Variants in DLG4 observed in about 807,000 individuals in gnomAD.
DLG4 encodes disks large homolog 4.
In DLG4, 7 loss-of-function variants were observed where a neutral mutation model predicts 93.8. The observed-to-expected ratio is 0.07, with a 90% CI of 0.04 to 0.14. The LOEUF (loss-of-function observed/expected upper bound fraction) is 0.14. Ranked by LOEUF, DLG4 falls within the 10% of genes least tolerant of loss-of-function variation. The probability of loss-of-function intolerance (pLI) is 1.00; values close to 1 mark genes in which losing one functional copy is unlikely to be tolerated. For synonymous variants in DLG4, 341 were observed against 387.6 expected (o/e 0.88, Z 1.41); for missense variants, 545 against 992.9 (o/e 0.55, Z 6.06).
At chr17:7,215,953 GC>G (rs1379374457) in intron 1 of DLG4, among the ~76,000 whole-genome samples, 2 of 141,566 alleles carry the variant, frequency 1.4e-5, no homozygotes, top group African/African-American at 5.2e-5. Flanking sequence ...CAGGCATCCA[GC>G]TCTCCAGTCC....
chr17:7,198,847 CAAA>C (rs34843480), intron 8 of DLG4, among the ~76,000 whole-genome samples: 4 of 90,378 alleles, frequency 4.4e-5, no homozygotes, highest in African/African-American at 4.0e-5. Flanking sequence ...GACTCCATCT[CAAA>C]AAAAAAAAAA....
rs1478524890 is a variant in DLG4 at position 7,191,681 on chromosome 17, G to A, written c.1976+212C>T. ...TCGCCCCAGCTGGTATGCCCCAGGG[G>A]CTGCTGGGAAATGTAGTCCTGTCTA... is the stretch of plus-strand genomic sequence containing the variant. On this transcript the variant is annotated intron_variant, in intron 18 of 19. Transcript: ENST00000399506. The surrounding 1 kb of genome is among the most constrained non-coding windows in gnomAD (Gnocchi z 6.6). The A allele has an allele frequency of 3.4e-6, 2 of 583,336 alleles. No homozygotes were observed. Among genetic ancestry groups the A allele is most frequent in the Admixed American group, 3.0e-5 (1 of 33,106 alleles). 36.1% of individuals were successfully genotyped at this position (583,336 alleles called of 1,614,324 possible).
At position 7,191,477 on chromosome 17, in the gene DLG4, A is replaced by G; in HGVS notation, c.1977-119T>C. 1.2e-6 allele frequency: 1 copy of G among 819,004 alleles called. No homozygotes were observed. The highest frequency in any genetic ancestry group is 2.0e-6 in the Non-Finnish European group (1 of 504,366). 50.7% of individuals were successfully genotyped at this position (819,004 alleles called of 1,614,324 possible). A position where few individuals can be genotyped will look rare whatever the true frequency, so the allele number is the denominator to read the frequency against. ...TGGAGCACATAGCAAAAAAAAAAATACAATTCCCAATATCCTCTGGGGCCA... is the reference window on the plus strand; with the variant it reads ...TGGAGCACATAGCAAAAAAAAAAATGCAATTCCCAATATCCTCTGGGGCCA... On this transcript the variant is annotated intron_variant, in intron 18 of 19. Coordinates refer to ENST00000399506, the MANE Select transcript of DLG4 (RefSeq NM_001321075.3). The surrounding 1 kb of genome is among the most constrained non-coding windows in gnomAD (Gnocchi z 6.6).
chr17:7,218,963 T>G, upstream of DLG4: 10 of 1,135,720 alleles, frequency 8.8e-6, no homozygotes, highest in Middle Eastern at 2.0e-4. Flanking sequence ...CGACCAGCTG[T>G]CCCATTCCCC....
At chr17:7,211,451 A>T (rs1257771712) in intron 1 of DLG4, among the ~76,000 whole-genome samples, 1 of 151,506 alleles carries the variant, frequency 6.6e-6, no homozygotes, top group Non-Finnish European at 1.5e-5. Flanking sequence ...AATGACCTGG[A>T]ACTGAGGCTT....
chr17:7,203,270 T>A lies in DLG4; in HGVS notation c.565A>T (p.Ile189Phe). The A allele has an allele frequency of 6.2e-7, 1 of 1,610,866 alleles. No individual in the cohort carries two copies. The highest frequency in any genetic ancestry group is 8.5e-7 in the Non-Finnish European group (1 of 1,177,286). ...GNQHIPGDNS[I>F]YVTKIIEGGA... ...CCTTCGATGATCTTTGTTACATAGA[T>A]GCTATTATCTCCTGGGATGTGCTGG... is the stretch of plus-strand genomic sequence containing the variant. Residue 189 changes from isoleucine (I) to phenylalanine (F), a missense_variant, in exon 7 of 20, where the codon ATC (isoleucine) becomes TTC (phenylalanine). By Grantham distance (21) the Ile-to-Phe change is conservative. This residue lies in a region of DLG4 where 428 missense variants were observed against 741.4 expected (regional missense o/e 0.58). Coordinates refer to ENST00000399506, the MANE Select transcript of DLG4 (RefSeq NM_001321075.3). This position sits in a 1 kb window ranked among gnomAD's most constrained non-coding sequence, Gnocchi z 7.2.
intron 2 of DLG4, among the ~76,000 whole-genome samples, chr17:7,207,691 C>G (rs531768161): frequency 6.6e-6 from 1 of 151,922 alleles, no homozygotes; most frequent in Non-Finnish European, 1.5e-5. Flanking sequence ...TCAACACACA[C>G]GCATACAGCA....
Position 7,197,026 on chromosome 17 carries a change from T to G in DLG4, c.814A>C (p.Ile272Leu), listed in dbSNP as rs1411036494. The G allele has an allele frequency of 6.2e-7, 1 of 1,612,406 alleles. No individual in the cohort carries two copies. Among genetic ancestry groups the G allele is most frequent in the Admixed American group, 1.7e-5 (1 of 59,878 alleles). Reference protein sequence around the residue: ...TSYSQHLDNEISHSSYLGTDY... With the variant: ...TSYSQHLDNELSHSSYLGTDY... ...GTGCCCAGGTAGCTGCTGTGACTGA[T>G]CTCATTGTCCAGGTGCTGGGAATAA... Residue 272 changes from isoleucine to leucine, a missense_variant, in exon 9 of 20, where the codon ATC (isoleucine) becomes CTC (leucine). Around this residue, in one of 5 missense-constraint regions of DLG4, gnomAD observed 428 missense variants for 741.4 expected, o/e 0.58. Coordinates refer to ENST00000399506, the MANE Select transcript of DLG4 (RefSeq NM_001321075.3).
rs1171121948 is a variant in DLG4 at position 7,193,919 on chromosome 17, T to C, written c.1515+45A>G. ...GGGGTTAGTTATGAGCTCAGCTCCA[T>C]GAGCCCTCACACTTCCACCCAGGCT... On this transcript the variant is annotated intron_variant, in intron 13 of 19. Coordinates refer to ENST00000399506, the MANE Select transcript of DLG4 (RefSeq NM_001321075.3). The surrounding 1 kb of genome is among the most constrained non-coding windows in gnomAD (Gnocchi z 6.7). 1 of 1,613,108 alleles carries C rather than the reference T, an allele frequency of 6.2e-7. No homozygotes were observed. The highest frequency in any genetic ancestry group is 1.3e-5 in the African/African-American group (1 of 75,014).
intron 1 of DLG4, among the ~76,000 whole-genome samples, chr17:7,211,120 G>A (rs1399633355): frequency 2.1e-5 from 3 of 145,158 alleles, no homozygotes; most frequent in African/African-American, 7.6e-5. Context: ...GAGAAACGTC[G>A]GGAGGGGTGG....
chr17:7,218,421 T>C, upstream of DLG4: 1 of 1,374,290 alleles, frequency 7.3e-7, no homozygotes, highest in South Asian at 1.2e-5. Flanking sequence ...GAGGACACCA[T>C]AGGCAGGACC....
At chr17:7,219,956 G>C (rs756203774), upstream of DLG4, 12 of 1,591,034 alleles carry the variant, frequency 7.5e-6, no homozygotes, top group Admixed American at 1.6e-4. Flanking sequence ...GTCAGAGCTC[G>C]AGCCAGCGGC....
intron 17 of DLG4, 192 bp from the exon 18 acceptor site, chr17:7,192,194 G>A: frequency 2.3e-6 from 1 of 441,500 alleles, no homozygotes; most frequent in African/African-American, 2.0e-5. Context: ...AAGACAGAGG[G>A]AAAGGAAAGG....
At chr17:7,211,379 G>T (rs1352477572) in intron 1 of DLG4, among the ~76,000 whole-genome samples, 2 of 151,924 alleles carry the variant, frequency 1.3e-5, no homozygotes, top group Non-Finnish European at 2.9e-5. Flanking sequence ...GGGGGACACG[G>T]ACGGAGTCGC....
Position 7,203,358 on chromosome 17 carries a change from G to A in DLG4, c.506-29C>T. On this transcript the variant is annotated intron_variant, in intron 6 of 19. Coordinates refer to ENST00000399506, the MANE Select transcript of DLG4 (RefSeq NM_001321075.3). This position sits in a 1 kb window ranked among gnomAD's most constrained non-coding sequence, Gnocchi z 7.2. ...GATGGAGGGGAGGCCAGAGGTGGGT[G>A]CCCAGGAAGCAGGCTTGGGGGCACA... 6.3e-7 allele frequency: 1 copy of A among 1,593,378 alleles called. No homozygotes were observed. Among genetic ancestry groups the A allele is most frequent in the Non-Finnish European group, 8.6e-7 (1 of 1,163,872 alleles).
At position 7,217,240 on chromosome 17, in the gene DLG4, C is replaced by T. The variant is rs2070961252; in HGVS notation, c.-93G>A. On this transcript the variant is annotated 5_prime_UTR_variant, in exon 1 of 20. Coordinates refer to ENST00000399506, the MANE Select transcript of DLG4 (RefSeq NM_001321075.3). ...CGTGGGTTCTCACCCCTCCCCCCTC[C>T]GCACCCCACTTTTGCAGGGGGGGCC... The T allele has an allele frequency of 7.2e-6, 9 of 1,255,110 alleles. No homozygotes were observed. Among genetic ancestry groups the T allele is most frequent in the South Asian group, 7.2e-5 (2 of 27,594 alleles). 77.7% of individuals were successfully genotyped at this position (1,255,110 alleles called of 1,614,324 possible).
chr17:7,217,816 G>T (rs1052034016), upstream of DLG4: 1 of 1,534,968 alleles, frequency 6.5e-7, no homozygotes, highest in Non-Finnish European at 8.7e-7. Flanking sequence ...CAAAGACGAT[G>T]AGGCTGGATT....
At chr17:7,207,586 C>A (rs2070525393) in intron 2 of DLG4, among the ~76,000 whole-genome samples, 1 of 151,904 alleles carries the variant, frequency 6.6e-6, no homozygotes, top group Non-Finnish European at 1.5e-5. Flanking sequence ...GCGCTTGGAA[C>A]AGAGCTCTGG....
intron 8 of DLG4, among the ~76,000 whole-genome samples, chr17:7,201,782 G>A (rs1205560327): frequency 1.3e-5 from 2 of 152,168 alleles, no homozygotes; most frequent in South Asian, 2.1e-4. Context: ...TCGGGAGGCC[G>A]GGGCAGCAGA....
Sources: allele counts gnomAD v4.1 joint callset (sites outside exome capture counted in the v4.1 genomes callset), GRCh38; gene constraint gnomAD v4.1.1; regional missense constraint gnomAD v4.1.1; non-coding constraint Gnocchi (gnomAD v3.1); transcripts MANE v1.5; gene names NCBI Gene and HGNC (gene_info 2026-07-23, HGNC 2026-07-21).